Variants in COL19A1 observed in about 807,000 individuals in gnomAD.
COL19A1 encodes collagen type XIX alpha 1 chain.
A neutral mutation model predicts 190.2 loss-of-function variants in COL19A1; 159 were observed. That is an observed-to-expected ratio of 0.84 (90% CI 0.73 to 0.95). The LOEUF is 0.95. Ranked by LOEUF, COL19A1 falls within the 40% of genes least tolerant of loss-of-function variation. COL19A1 has a pLI of 0.00. For missense variants in COL19A1, 1,418 were observed against 1,431.9 expected (o/e 0.99, Z 0.16); for synonymous variants, 509 against 458.9 (o/e 1.11, Z -1.39).
intron 35 of COL19A1, among the ~76,000 whole-genome samples, chr6:70,162,186 G>A (rs760669179): frequency 7.9e-5 from 12 of 152,104 alleles, no homozygotes; most frequent in Non-Finnish European, 1.0e-4. Flanking sequence ...AGCAGTCTGC[G>A]ATTAAGCTAG....
intron 2 of COL19A1, among the ~76,000 whole-genome samples, chr6:69,887,588 G>A (rs1025846449): frequency 1.3e-5 from 2 of 152,160 alleles, no homozygotes; most frequent in Non-Finnish European, 2.9e-5. Context: ...CCACTACACT[G>A]ACACAGATTA....
intron 14 of COL19A1, among the ~76,000 whole-genome samples, chr6:70,060,883 G>A (rs1344916387): frequency 6.6e-6 from 1 of 152,108 alleles, no homozygotes; most frequent in Middle Eastern, 3.2e-3. Context: ...CCTTGGTGCT[G>A]AAAAGGTTGG....
In COL19A1 at chr6:70,159,297, AT is replaced by A. The variant is rs943413654; in HGVS notation, c.2292+2581del. Among the ~76,000 whole-genome samples, 13 of 152,016 alleles carry A rather than the reference AT, an allele frequency of 8.6e-5. No homozygotes were observed. In the South Asian group the frequency reaches 2.7e-3, roughly 31 times the overall value. On this transcript the variant is annotated intron_variant, in intron 34 of 50. Transcript: ENST00000620364. ...TTTAGAGGTGCCATTATCAATGAAAATTTTTTTACTTTGCATCTATAAACCT... is the reference window on the plus strand; with the variant it reads ...TTTAGAGGTGCCATTATCAATGAAAATTTTTTACTTTGCATCTATAAACCT...
At chr6:70,053,795 G>A (rs910321273) in intron 14 of COL19A1, among the ~76,000 whole-genome samples, 1 of 152,012 alleles carries the variant, frequency 6.6e-6, no homozygotes, top group Non-Finnish European at 1.5e-5. Context: ...CCCACAAATT[G>A]TGAATAAATA....
chr6:70,020,255 A>G (rs1343770132), intron 11 of COL19A1, among the ~76,000 whole-genome samples: 1 of 152,084 alleles, frequency 6.6e-6, no homozygotes, highest in Non-Finnish European at 1.5e-5. Context: ...AAACCACTAC[A>G]TGATATTTTC....
intron 15 of COL19A1, among the ~76,000 whole-genome samples, chr6:70,099,499 G>A (rs1783493836): frequency 6.6e-6 from 1 of 151,782 alleles, no homozygotes; most frequent in African/African-American, 2.4e-5. Context: ...TTTAGACTTG[G>A]GGCCCATCCC....
intron 6 of COL19A1, among the ~76,000 whole-genome samples, chr6:69,930,677 A>G (rs188010917): frequency 2.0e-5 from 3 of 151,998 alleles, no homozygotes; most frequent in Non-Finnish European, 1.5e-5. Context: ...AATTAGCCAG[A>G]TGTGGTGGCA....
At chr6:70,126,001 G>A (rs1415415405) in intron 17 of COL19A1, among the ~76,000 whole-genome samples, 3 of 152,102 alleles carry the variant, frequency 2.0e-5, no homozygotes, top group African/African-American at 7.2e-5. Context: ...AAGTGCTGGT[G>A]GATTTTATAT....
intron 12 of COL19A1, among the ~76,000 whole-genome samples, chr6:70,029,241 T>C (rs961863460): frequency 1.3e-5 from 2 of 152,126 alleles, no homozygotes; most frequent in South Asian, 4.1e-4. Flanking sequence ...AAATAATATT[T>C]TTATATTATC....
intron 12 of COL19A1, among the ~76,000 whole-genome samples, chr6:70,031,264 G>A (rs944266254): frequency 1.3e-5 from 2 of 151,674 alleles, no homozygotes; most frequent in African/African-American, 4.9e-5. Flanking sequence ...GCAAATTCAT[G>A]AGGTACATGA....
rs931005037 is a variant in COL19A1 at position 70,165,965 on chromosome 6, C to T, written c.2425C>T (p.Pro809Ser). 6 of 1,613,844 alleles carry T rather than the reference C, an allele frequency of 3.7e-6. No homozygotes were observed. In the African/African-American group the frequency reaches 6.7e-5, roughly 18 times the overall value. The change falls in exon 37 of 51, where the codon CCC becomes TCC. Residue 809 changes from proline (P) to serine (S), a missense_variant. Pro to Ser is a moderately conservative substitution (Grantham distance 74). Transcript: ENST00000620364. ...EKGSDGPPGK[P>S]GPPGPPGIPF... ...GGGCAGCGACGGACCCCCTGGGAAACCCGGACCACCTGGACCACCTGTGAG... is the reference window on the plus strand; with the variant it reads ...GGGCAGCGACGGACCCCCTGGGAAATCCGGACCACCTGGACCACCTGTGAG...
intron 15 of COL19A1, among the ~76,000 whole-genome samples, chr6:70,071,187 T>C (rs1370407732): frequency 6.6e-6 from 1 of 152,070 alleles, no homozygotes; most frequent in East Asian, 1.9e-4. Context: ...CTTTGAAAAA[T>C]ATCAAACATT....
At chr6:70,101,334 A>T (rs1783618767) in intron 15 of COL19A1, among the ~76,000 whole-genome samples, 1 of 152,164 alleles carries the variant, frequency 6.6e-6, no homozygotes, top group Non-Finnish European at 1.5e-5. Flanking sequence ...AATTTAAAAA[A>T]TAAAAAATGT....
At chr6:69,962,403 C>A (rs1774857088) in intron 10 of COL19A1, among the ~76,000 whole-genome samples, 1 of 152,110 alleles carries the variant, frequency 6.6e-6, no homozygotes, top group Non-Finnish European at 1.5e-5. Context: ...AATGGTATGC[C>A]ATAGAAGTCA....
chr6:69,956,268 T>C (rs964192315), intron 9 of COL19A1, among the ~76,000 whole-genome samples: 1 of 152,128 alleles, frequency 6.6e-6, no homozygotes, highest in African/African-American at 2.4e-5. Context: ...AGATTAAAGT[T>C]TCAAATTGGC....
chr6:70,115,457 A>G (rs898202823), intron 16 of COL19A1, among the ~76,000 whole-genome samples: 16 of 152,234 alleles, frequency 1.1e-4, no homozygotes, highest in African/African-American at 3.6e-4. Context: ...AGAATTATCC[A>G]GAGCTGTGAA....
rs777062464 is a variant in COL19A1, at chr6:70,168,025, G to A, written c.2446G>A (p.Gly816Ser). ...TTCTGTATCTCACCTCTTTCCTAAG[G>A]GTATTCCATTTAATGAACGAAACGG... ...PGKPGPPGPP[G>S]IPFNERNGMS... The change falls in exon 38 of 51, where the codon GGT becomes AGT. Residue 816 changes from glycine to serine, a missense_variant and splice_region_variant. Gly to Ser is a moderately conservative substitution (Grantham distance 56). Transcript: ENST00000620364. 2 of 1,589,306 alleles carry A rather than the reference G, an allele frequency of 1.3e-6. No individual in the cohort carries two copies. The highest frequency in any genetic ancestry group is 1.7e-6 in the Non-Finnish European group (2 of 1,163,202).
At chr6:69,994,925 T>G (rs1295027849) in intron 11 of COL19A1, among the ~76,000 whole-genome samples, 1 of 152,126 alleles carries the variant, frequency 6.6e-6, no homozygotes, top group East Asian at 1.9e-4. Context: ...TCCTCAGACA[T>G]CACCTTAGGC....
chr6:69,999,648 G>A (rs1405246720), intron 11 of COL19A1, among the ~76,000 whole-genome samples: 2 of 152,158 alleles, frequency 1.3e-5, no homozygotes, highest in African/African-American at 2.4e-5. Context: ...AAAGAGCACT[G>A]AAATTTGTAA....
Sources: allele counts gnomAD v4.1 joint callset (sites outside exome capture counted in the v4.1 genomes callset), GRCh38; gene constraint gnomAD v4.1.1; transcripts MANE v1.5; gene names NCBI Gene and HGNC (gene_info 2026-07-23, HGNC 2026-07-21).